Variants in NBEA observed in about 807,000 individuals in gnomAD.
NBEA encodes the protein neurobeachin, also known as lysosomal-trafficking regulator 2.
NBEA carries 44 observed loss-of-function variants against 343.4 expected under a neutral mutation model. The ratio of observed to expected loss-of-function variants is 0.13; its 90% CI spans 0.10 to 0.16. NBEA has a LOEUF of 0.16. Ranked by LOEUF, NBEA falls within the 10% of genes least tolerant of loss-of-function variation. NBEA has a pLI of 1.00. For missense variants in NBEA, 2,555 were observed against 3,631.3 expected, an observed-to-expected ratio of 0.70 and a Z score of 7.62; for synonymous variants, 1,175 against 1,238.7, an observed-to-expected ratio of 0.95 and a Z score of 1.08.
chr13:35,118,193 A>G, intron 14 of NBEA, 35 bp from the exon 15 acceptor site: 1 of 1,273,196 alleles, frequency 7.9e-7, no homozygotes, highest in South Asian at 1.7e-5. Flanking sequence ...TTTTAATTTT[A>G]GATGTAAAGT....
At chr13:35,002,484 A>C (rs17051800) in intron 1 of NBEA, among the ~76,000 whole-genome samples, 2,405 of 152,314 alleles carry the variant, frequency 0.016, 66 homozygotes, top group African/African-American at 0.049. Flanking sequence ...TGGTAACAAC[A>C]GTAAAGCTAG....
chr13:35,213,541 A>G (rs1184980609), intron 33 of NBEA, among the ~76,000 whole-genome samples: 5 of 151,918 alleles, frequency 3.3e-5, no homozygotes, highest in Admixed American at 6.6e-5. Context: ...AAGTGGGGCT[A>G]TATAGGTCTC....
At chr13:35,001,885 T>A (rs2061153967) in intron 1 of NBEA, among the ~76,000 whole-genome samples, 1 of 152,182 alleles carries the variant, frequency 6.6e-6, no homozygotes, top group Non-Finnish European at 1.5e-5. Context: ...ATTTCATCAT[T>A]ATACATTGTA....
chr13:35,481,897 G>C (rs1250107576), intron 41 of NBEA, among the ~76,000 whole-genome samples: 1 of 151,716 alleles, frequency 6.6e-6, no homozygotes, highest in Non-Finnish European at 1.5e-5. Flanking sequence ...ATTGCATTTA[G>C]AGAAAACAAA....
chr13:35,648,031 A>G (rs1429348971), intron 51 of NBEA, among the ~76,000 whole-genome samples: 1 of 151,686 alleles, frequency 6.6e-6, no homozygotes, highest in Non-Finnish European at 1.5e-5. Flanking sequence ...GTGTGCCACC[A>G]TGCCTGGCTA....
intron 1 of NBEA, 72 bp downstream of exon 1, chr13:34,943,186 C>T (rs1358155791): frequency 6.4e-7 from 1 of 1,563,584 alleles, no homozygotes; most frequent in East Asian, 2.3e-5. Context: ...CTTTCCCTCC[C>T]ACCCTTCACC....
chr13:35,522,565 A>C (rs539662318), intron 41 of NBEA, among the ~76,000 whole-genome samples: 49 of 144,010 alleles, frequency 3.4e-4, no homozygotes, highest in Non-Finnish European at 5.1e-4. Context: ...GGGTTGCCGG[A>C]GGTTAGAAAA....
At chr13:35,606,614 A>G (rs998442768) in intron 48 of NBEA, 36 bp downstream of exon 48, 11 of 1,554,218 alleles carry the variant, frequency 7.1e-6, no homozygotes, top group Non-Finnish European at 8.7e-6. Context: ...GGCAGTCATC[A>G]GGGAGTTAAC....
rs1275669500 is a variant in NBEA, at chr13:34,977,360, G to A, written c.294+34246G>A. 2.6e-5 allele frequency among the ~76,000 whole-genome samples: 4 copies of A among 151,452 alleles called. 1 individual carries two copies. The highest frequency in any genetic ancestry group is 5.9e-5 in the Non-Finnish European group (4 of 67,934). ...GTCTGTCTCTGTCGCCCAGGCTGGA[G>A]TGCAAGGGTGTGATCTTGGCTCACT... On this transcript the variant is annotated intron_variant, in intron 1 of 58. Transcript: ENST00000379939.
At position 35,157,166 on chromosome 13, in the gene NBEA, G is replaced by A. The variant is rs770833161; in HGVS notation, c.2740G>A (p.Glu914Lys). Reference sequence around the variant, plus strand: ...AAATTCTGAGGAACAGAAGATTACCGAAATGGTCTACAATATCTTCCGGAT... The same window carrying A: ...AAATTCTGAGGAACAGAAGATTACCAAAATGGTCTACAATATCTTCCGGAT... ...PKNSEEQKIT[E>K]MVYNIFRILL... is the part of the protein sequence containing the mutation. Residue 914 changes from glutamate (E) to lysine (K), a missense_variant, in exon 21 of 59, where the codon GAA becomes AAA. Around this residue, in one of 21 missense-constraint regions of NBEA, gnomAD observed 360 missense variants for 519.1 expected, o/e 0.69. Transcript: ENST00000379939. 3 of 1,609,858 alleles carry A rather than the reference G, an allele frequency of 1.9e-6. No individual in the cohort carries two copies. The highest frequency in any genetic ancestry group is 2.5e-6 in the Non-Finnish European group (3 of 1,177,748).
intron 36 of NBEA, among the ~76,000 whole-genome samples, chr13:35,338,725 C>G (rs2039412418): frequency 6.6e-6 from 1 of 151,986 alleles, no homozygotes; most frequent in Non-Finnish European, 1.5e-5. Flanking sequence ...AATCTTATGA[C>G]TATGGATGCA....
chr13:35,105,094 A>G (rs1479012837), intron 11 of NBEA, among the ~76,000 whole-genome samples: 5 of 151,976 alleles, frequency 3.3e-5, no homozygotes, highest in African/African-American at 1.2e-4. Context: ...GCATAACCCA[A>G]AGAGAAAGTT....
chr13:34,982,725 C>T (rs2060399704), intron 1 of NBEA, among the ~76,000 whole-genome samples: 1 of 152,138 alleles, frequency 6.6e-6, no homozygotes, highest in Non-Finnish European at 1.5e-5. Context: ...ACACCATGAA[C>T]ACTTGTAAAG....
chr13:35,308,502 A>ATATATG (rs2037097734), intron 35 of NBEA, among the ~76,000 whole-genome samples: 1 of 93,258 alleles, frequency 1.1e-5, no homozygotes, highest in South Asian at 3.6e-4. Context: ...ATATATGTGT[A>ATATATG]TATATATATG....
At chr13:35,127,209 A>G (rs1379578432) in intron 17 of NBEA, among the ~76,000 whole-genome samples, 1 of 152,174 alleles carries the variant, frequency 6.6e-6, no homozygotes, top group Non-Finnish European at 1.5e-5. Flanking sequence ...AACCTTCAAT[A>G]CAAAAAACTA....
At chr13:35,514,904 C>T (rs1309571432) in intron 41 of NBEA, among the ~76,000 whole-genome samples, 2 of 152,100 alleles carry the variant, frequency 1.3e-5, no homozygotes, top group African/African-American at 2.4e-5. Context: ...CCTGTGTTAC[C>T]TTTGCATTAA....
chr13:35,369,075 A>G (rs1020479936), intron 38 of NBEA, among the ~76,000 whole-genome samples: 4 of 149,570 alleles, frequency 2.7e-5, no homozygotes, highest in African/African-American at 4.9e-5. Context: ...CCTTTAATAC[A>G]TCTTTAGTTC....
intron 27 of NBEA, among the ~76,000 whole-genome samples, chr13:35,175,680 G>T (rs1005734174): frequency 2.0e-5 from 3 of 152,158 alleles, no homozygotes; most frequent in African/African-American, 7.2e-5. Flanking sequence ...ACTAGGGGAA[G>T]ATTTGACATT....
intron 31 of NBEA, 39 bp from the exon 32 acceptor site, chr13:35,208,661 C>A: frequency 6.7e-7 from 1 of 1,499,988 alleles, no homozygotes. Flanking sequence ...TCATCTTCAA[C>A]CTCATGTTTG....
Sources: gnomAD v4.1 joint callset for allele counts (sites outside exome capture counted in the v4.1 genomes callset) on GRCh38, gnomAD v4.1.1 for gene constraint, gnomAD v4.1.1 regional missense constraint, MANE v1.5 for transcripts, NCBI Gene and HGNC (gene_info 2026-07-23, HGNC 2026-07-21) for gene names.